The following JDP2 variants were observed in gnomAD, a reference collection of about 807,000 sequenced individuals.
JDP2 encodes the protein Jun dimerization protein 2.
JDP2 carries 9 observed loss-of-function variants against 17.1 expected under a neutral mutation model. The observed-to-expected ratio is 0.53, with a 90% CI of 0.32 to 0.92. The LOEUF is 0.92. Among genes scored for constraint, JDP2 ranks in the 40% least tolerant of loss-of-function variants. The pLI is 0.04. For synonymous variants in JDP2, 107 were observed against 95.6 expected, an observed-to-expected ratio of 1.12 and a Z score of -0.69; for missense variants, 179 against 220.0, an observed-to-expected ratio of 0.81 and a Z score of 1.18.
chr14:75,450,407 G>C (rs1885793959), intron 2 of JDP2, among the ~76,000 whole-genome samples: 1 of 152,226 alleles, frequency 6.6e-6, no homozygotes, highest in African/African-American at 2.4e-5. Context: ...TAAGGCTGGA[G>C]CTTAGTTTGC....
chr14:75,467,955 C>T (rs1460225198), intron 3 of JDP2, among the ~76,000 whole-genome samples: 2 of 152,146 alleles, frequency 1.3e-5, no homozygotes, highest in African/African-American at 4.8e-5. Flanking sequence ...GCTGCCACCT[C>T]AGAGATGAGC....
rs1463649318 is a variant in JDP2, at chr14:75,428,102, C to A, written c.-174C>A. 1 of 146,780 alleles carries A rather than the reference C, an allele frequency of 6.8e-6. No individual in the cohort carries two copies. The highest frequency in any genetic ancestry group is 1.5e-5 in the Non-Finnish European group (1 of 65,868). The allele number at this position is 146,780 out of a possible 1,614,324, so 9.1% of individuals were successfully genotyped here. A position where few individuals can be genotyped will look rare whatever the true frequency, so the allele number is the denominator to read the frequency against. On this transcript the variant is annotated 5_prime_UTR_variant, in exon 1 of 4. Coordinates refer to ENST00000651602, the MANE Select transcript of JDP2 (RefSeq NM_001135048.2). The surrounding 1 kb of genome is among the most constrained non-coding windows in gnomAD (Gnocchi z 5.6). ...GCGGCGGCGGACGCTGCAGCGGCGGCGGGGCTGGCGCCGCGGCGGCTCCCG... is the reference window on the plus strand; with the variant it reads ...GCGGCGGCGGACGCTGCAGCGGCGGAGGGGCTGGCGCCGCGGCGGCTCCCG...
intron 2 of JDP2, among the ~76,000 whole-genome samples, chr14:75,443,025 G>A (rs1338761472): frequency 6.6e-6 from 1 of 152,094 alleles, no homozygotes; most frequent in Non-Finnish European, 1.5e-5. Flanking sequence ...CAGAGCTGGA[G>A]AGGAGACTTA....
chr14:75,458,515 G>T (rs1198478940), intron 2 of JDP2, among the ~76,000 whole-genome samples: 1 of 152,078 alleles, frequency 6.6e-6, no homozygotes, highest in African/African-American at 2.4e-5. Context: ...CCTTTTTATG[G>T]CTGCATAATA....
intron 2 of JDP2, among the ~76,000 whole-genome samples, chr14:75,444,560 C>T (rs898865386): frequency 3.9e-5 from 6 of 152,164 alleles, no homozygotes; most frequent in South Asian, 2.1e-4. Context: ...AAAGTTAGCT[C>T]GTTTCCTCAT....
intron 1 of JDP2, among the ~76,000 whole-genome samples, chr14:75,431,338 C>T (rs1344025935): frequency 6.6e-6 from 1 of 152,190 alleles, no homozygotes; most frequent in African/African-American, 2.4e-5. Flanking sequence ...CAGGAGTTCC[C>T]TGGGGGTTGG....
chr14:75,437,946 C>T lies in JDP2; in HGVS notation c.26C>T (p.Pro9Leu), dbSNP rs1248911934. MMPGQIPD[P>L]SVTTGSLPGL... Reference sequence around the variant, plus strand: ...ATGATGCCTGGGCAGATCCCGGACCCTTCGGTGACCACAGGCTCCCTGCCA... The same window carrying T: ...ATGATGCCTGGGCAGATCCCGGACCTTTCGGTGACCACAGGCTCCCTGCCA... The change falls in exon 2 of 4, where the codon CCT (proline) becomes CTT (leucine). Residue 9 changes from proline to leucine, a missense_variant. Coordinates refer to ENST00000651602, the MANE Select transcript of JDP2 (RefSeq NM_001135048.2). The T allele has an allele frequency of 1.2e-6, 2 of 1,612,660 alleles. No individual in the cohort carries two copies. The highest frequency in any genetic ancestry group is 1.7e-6 in the Non-Finnish European group (2 of 1,179,514).
intron 2 of JDP2, among the ~76,000 whole-genome samples, chr14:75,443,014 T>C (rs955615610): frequency 3.3e-5 from 5 of 152,154 alleles, no homozygotes; most frequent in African/African-American, 1.2e-4. Flanking sequence ...CTCATCATTT[T>C]CAGAGCTGGA....
In JDP2 at chr14:75,438,032, G is replaced by T. The variant is rs767203503; in HGVS notation, c.112G>T (p.Ala38Ser). ...SALTVEELKY[A>S]DIRNLGAMIA... is the part of the protein sequence containing the mutation. ...CCTGACTGTGGAGGAGCTGAAATAC[G>T]CTGACATCCGCAACCTCGGGGCCAT... The change falls in exon 2 of 4, where the codon GCT becomes TCT. Residue 38 changes from alanine (A) to serine (S), a missense_variant. Ala to Ser is a moderately conservative substitution (Grantham distance 99, BLOSUM62 1). Coordinates refer to ENST00000651602, the MANE Select transcript of JDP2 (RefSeq NM_001135048.2). The T allele has an allele frequency of 2.5e-6, 4 of 1,613,962 alleles. No homozygotes were observed. The highest frequency in any genetic ancestry group is 2.5e-6 in the Non-Finnish European group (3 of 1,179,966).
At chr14:75,441,155 G>C (rs1156548370) in intron 2 of JDP2, among the ~76,000 whole-genome samples, 2 of 152,168 alleles carry the variant, frequency 1.3e-5, no homozygotes, top group African/African-American at 4.8e-5. Flanking sequence ...GAGAGAGCGA[G>C]AGAGCGAGCC....
intron 2 of JDP2, among the ~76,000 whole-genome samples, chr14:75,446,302 A>G (rs545528321): frequency 6.6e-6 from 1 of 152,052 alleles, no homozygotes; most frequent in South Asian, 2.1e-4. Flanking sequence ...ACTCCTACAT[A>G]TATTTCCTTT....
At chr14:75,450,545 CTT>C (rs1223852227) in intron 2 of JDP2, among the ~76,000 whole-genome samples, 1 of 152,278 alleles carries the variant, frequency 6.6e-6, no homozygotes. Context: ...TCTGCCAGCT[CTT>C]GTTCAGAGCC....
At chr14:75,446,600 T>A (rs1200197750) in intron 2 of JDP2, among the ~76,000 whole-genome samples, 1 of 152,162 alleles carries the variant, frequency 6.6e-6, no homozygotes. Flanking sequence ...ATGTCCAGAA[T>A]AGGCAAATTC....
chr14:75,462,333 G>T (rs565741108), intron 3 of JDP2, among the ~76,000 whole-genome samples: 1 of 152,118 alleles, frequency 6.6e-6, no homozygotes, highest in Non-Finnish European at 1.5e-5. Flanking sequence ...TAATAATAAC[G>T]ATAATGTATA....
intron 2 of JDP2, among the ~76,000 whole-genome samples, chr14:75,438,921 A>C (rs1885204599): frequency 6.6e-6 from 1 of 152,222 alleles, no homozygotes; most frequent in South Asian, 2.1e-4. Context: ...CAAGGTTCCC[A>C]GCAGCGCCGT....
chr14:75,470,912 A>T lies in JDP2; in HGVS notation c.*1437A>T, dbSNP rs184515851. ...TGAAGACTTATTTTGTGACAAGCAG[A>T]CATAGTCTCTTCCCTTCTCACAAGA... On this transcript the variant is annotated 3_prime_UTR_variant, in exon 4 of 4. Coordinates refer to ENST00000651602, the MANE Select transcript of JDP2 (RefSeq NM_001135048.2). 468 of 152,382 alleles carry T rather than the reference A, an allele frequency of 3.1e-3. No individual in the cohort carries two copies. The highest frequency in any genetic ancestry group is 3.4e-3 in the Middle Eastern group (1 of 294). 9.4% of individuals were successfully genotyped at this position (152,382 alleles called of 1,614,324 possible). A position where few individuals can be genotyped will look rare whatever the true frequency, so the allele number is the denominator to read the frequency against.
intron 3 of JDP2, among the ~76,000 whole-genome samples, chr14:75,463,197 A>G (rs1452760174): frequency 6.6e-6 from 1 of 152,270 alleles, no homozygotes; most frequent in Non-Finnish European, 1.5e-5. Context: ...TGCCCATCAC[A>G]TTCCAGGAAC....
At chr14:75,452,628 G>T (rs175644) in intron 2 of JDP2, among the ~76,000 whole-genome samples, 113,758 of 152,134 alleles carry the variant, frequency 0.75, 43,055 homozygotes, top group African/African-American at 0.85. Flanking sequence ...ACATTCAAAA[G>T]TGGGAGATTT....
chr14:75,445,434 C>T (rs10483868), intron 2 of JDP2: 444,794 of 984,486 alleles, frequency 0.45, 101,026 homozygotes, highest in East Asian at 0.66. Context: ...TATGCTCTGA[C>T]AAACTCCTCC....
Sources: allele counts gnomAD v4.1 joint callset (sites outside exome capture counted in the v4.1 genomes callset), GRCh38; gene constraint gnomAD v4.1.1; non-coding constraint Gnocchi (gnomAD v3.1); transcripts MANE v1.5; gene names NCBI Gene and HGNC (gene_info 2026-07-23, HGNC 2026-07-21).